The following TMTC2 variants were observed in gnomAD, a reference collection of about 807,000 sequenced individuals.
TMTC2 encodes protein O-mannosyl-transferase TMTC2.
Under a neutral mutation model 82.4 loss-of-function variants are expected in TMTC2, and 43 were observed. That is an observed-to-expected ratio of 0.52 (90% CI 0.41 to 0.67). The LOEUF (loss-of-function observed/expected upper bound fraction) is 0.67. Ranked by LOEUF, TMTC2 falls within the 30% of genes least tolerant of loss-of-function variation. The pLI is 0.00. For synonymous variants in TMTC2, 408 were observed against 381.9 expected (o/e 1.07, Z -0.80); for missense variants, 919 against 1,012.4 (o/e 0.91, Z 1.25).
At chr12:82,779,181 G>C in intron 1 of TMTC2, among the ~76,000 whole-genome samples, 1 of 152,024 alleles carries the variant, frequency 6.6e-6, no homozygotes, top group East Asian at 1.9e-4. Context: ...CGGCAGGGTA[G>C]AAAGTGTAAG....
chr12:82,885,078 T>TG (rs1385469086), intron 2 of TMTC2, among the ~76,000 whole-genome samples: 1 of 151,482 alleles, frequency 6.6e-6, no homozygotes, highest in African/African-American at 2.4e-5. Context: ...ACTTTTTTTT[T>TG]TTTTTGTAGA....
intron 1 of TMTC2, among the ~76,000 whole-genome samples, chr12:82,729,327 G>A (rs1352566922): frequency 6.6e-6 from 1 of 151,850 alleles, no homozygotes; most frequent in Non-Finnish European, 1.5e-5. Flanking sequence ...ATGCACCCAT[G>A]ACACTCTGTA....
At chr12:83,020,989 G>T (rs1009158935) in intron 8 of TMTC2, among the ~76,000 whole-genome samples, 2 of 151,974 alleles carry the variant, frequency 1.3e-5, no homozygotes, top group Admixed American at 1.3e-4. Context: ...AGAATCTCAG[G>T]TATTTAAATA....
intron 8 of TMTC2, among the ~76,000 whole-genome samples, chr12:83,024,563 A>G (rs940180811): frequency 1.3e-5 from 2 of 152,162 alleles, no homozygotes; most frequent in Non-Finnish European, 2.9e-5. Flanking sequence ...GCTAGAACAC[A>G]CTACTTAAGA....
chr12:83,118,311 C>CT (rs1415298919), intron 11 of TMTC2, among the ~76,000 whole-genome samples: 4 of 152,136 alleles, frequency 2.6e-5, no homozygotes, highest in Non-Finnish European at 5.9e-5. Context: ...GTAGGTTCGT[C>CT]AGAGACGGCT....
chr12:82,820,321 C>T (rs1163939920), intron 1 of TMTC2, among the ~76,000 whole-genome samples: 1 of 152,108 alleles, frequency 6.6e-6, no homozygotes, highest in Non-Finnish European at 1.5e-5. Flanking sequence ...AGTTGACACT[C>T]AAATATTAAC....
intron 7 of TMTC2, among the ~76,000 whole-genome samples, chr12:82,985,273 A>G (rs1592675165): frequency 6.6e-6 from 1 of 151,990 alleles, no homozygotes; most frequent in South Asian, 2.1e-4. Flanking sequence ...GCTGGTCTCT[A>G]ATTCCTAGAC....
At chr12:82,990,283 G>A (rs1456404548) in intron 8 of TMTC2, among the ~76,000 whole-genome samples, 2 of 152,110 alleles carry the variant, frequency 1.3e-5, no homozygotes, top group African/African-American at 4.8e-5. Context: ...ATGTTTACAA[G>A]ATATATTAGA....
chr12:82,875,773 T>G (rs901433357), intron 2 of TMTC2, among the ~76,000 whole-genome samples: 1 of 151,902 alleles, frequency 6.6e-6, no homozygotes, highest in African/African-American at 2.4e-5. Flanking sequence ...GCTTGTGGTG[T>G]TAGGGCACTT....
intron 8 of TMTC2, among the ~76,000 whole-genome samples, chr12:83,004,926 C>T (rs1045429618): frequency 6.6e-6 from 1 of 150,430 alleles, no homozygotes; most frequent in Non-Finnish European, 1.5e-5. Context: ...CTGAGGAGGG[C>T]GGATCACTTG....
chr12:82,735,501 A>G (rs997160239), intron 1 of TMTC2, among the ~76,000 whole-genome samples: 4 of 151,598 alleles, frequency 2.6e-5, no homozygotes, highest in Admixed American at 6.6e-5. Context: ...GCCCGCCACC[A>G]CGCCCGGCTA....
At chr12:82,812,409 C>T (rs1043336035) in intron 1 of TMTC2, among the ~76,000 whole-genome samples, 1 of 152,010 alleles carries the variant, frequency 6.6e-6, no homozygotes, top group African/African-American at 2.4e-5. Context: ...AACTGGAAAT[C>T]TGCATGTCAT....
At chr12:82,798,006 C>T (rs1290257408) in intron 1 of TMTC2, among the ~76,000 whole-genome samples, 6 of 145,736 alleles carry the variant, frequency 4.1e-5, no homozygotes, top group Non-Finnish European at 7.5e-5. Context: ...GGCGCGATCT[C>T]GGCTCACTGC....
intron 11 of TMTC2, among the ~76,000 whole-genome samples, chr12:83,124,122 C>A (rs1885036790): frequency 6.6e-6 from 1 of 152,164 alleles, no homozygotes; most frequent in Admixed American, 6.5e-5. Flanking sequence ...GAAGTTACAC[C>A]TAATAGGTTA....
chr12:82,711,364 G>C (rs1489776472), intron 1 of TMTC2, among the ~76,000 whole-genome samples: 2 of 151,862 alleles, frequency 1.3e-5, no homozygotes, highest in Admixed American at 6.6e-5. Flanking sequence ...TTAGTACTGG[G>C]TAGCTTATAT....
chr12:82,876,630 A>G (rs2137148329), intron 2 of TMTC2, among the ~76,000 whole-genome samples: 1 of 152,334 alleles, frequency 6.6e-6, no homozygotes, highest in South Asian at 2.1e-4. Context: ...TATTCCATAA[A>G]TACATTCTAA....
rs201899169 is a variant in TMTC2, at chr12:82,742,911, A to T, written c.83+55242A>T. On this transcript the variant is annotated intron_variant, in intron 1 of 11. Transcript: ENST00000321196. ...TCACCAAGGTCATATGATTTCATTA[A>T]CTCAAGTTTTTAGCCACTCTAGTGC... Among the ~76,000 whole-genome samples, 16 of 152,112 alleles carry T rather than the reference A, an allele frequency of 1.1e-4. No homozygotes were observed. The East Asian group carries it at 2.1e-3, about 20-fold the overall frequency.
At chr12:82,987,253 G>A (rs966182239) in intron 8 of TMTC2, among the ~76,000 whole-genome samples, 8 of 151,682 alleles carry the variant, frequency 5.3e-5, no homozygotes, top group African/African-American at 1.7e-4. Flanking sequence ...GCGAAACTCC[G>A]TCTCTACTAA....
chr12:82,798,047 C>T (rs1416802596), intron 1 of TMTC2, among the ~76,000 whole-genome samples: 1 of 149,472 alleles, frequency 6.7e-6, no homozygotes, highest in East Asian at 2.0e-4. Context: ...ACACCATTCT[C>T]CTGCCTCACA....
Sources: allele counts gnomAD v4.1 joint callset (sites outside exome capture counted in the v4.1 genomes callset), GRCh38; gene constraint gnomAD v4.1.1; transcripts MANE v1.5; gene names NCBI Gene and HGNC (gene_info 2026-07-23, HGNC 2026-07-21).